NRXN2: variants seen among roughly 807,000 people sequenced by gnomAD.
NRXN2 encodes the protein neurexin-2-beta.
In NRXN2, 29 loss-of-function variants were observed where a neutral mutation model predicts 128.8. That is an observed-to-expected ratio of 0.23 (90% CI 0.17 to 0.31). The LOEUF is 0.31. Among genes scored for constraint, NRXN2 ranks in the 10% least tolerant of loss-of-function variants. The probability of loss-of-function intolerance (pLI) is 1.00; values close to 1 mark genes in which losing one functional copy is unlikely to be tolerated. For synonymous variants in NRXN2, 1,098 were observed against 1,075.2 expected, an observed-to-expected ratio of 1.02 and a Z score of -0.41; for missense variants, 1,881 against 2,452.6, an observed-to-expected ratio of 0.77 and a Z score of 4.92.
At chr11:64,653,773 A>G (rs975515793) in intron 11 of NRXN2, 51 bp from the exon 12 acceptor site, 10 of 1,405,964 alleles carry the variant, frequency 7.1e-6, no homozygotes, top group Non-Finnish European at 9.7e-6. Context: ...AAAAGGTAAA[A>G]CAAGTTTTTT....
intron 20 of NRXN2, among the ~76,000 whole-genome samples, chr11:64,625,617 C>G (rs1013795050): frequency 7.9e-5 from 12 of 152,130 alleles, no homozygotes; most frequent in Non-Finnish European, 1.5e-4. Flanking sequence ...CTACTTCCCC[C>G]CTAGAGTTTA....
chr11:64,671,462 AC>A (rs2050615565), intron 7 of NRXN2, among the ~76,000 whole-genome samples: 1 of 151,638 alleles, frequency 6.6e-6, no homozygotes, highest in South Asian at 2.1e-4. Flanking sequence ...GTCCCCCTCC[AC>A]CCCAGGGGTT....
At chr11:64,702,784 C>T (rs1275635767) in intron 2 of NRXN2, among the ~76,000 whole-genome samples, 4 of 131,522 alleles carry the variant, frequency 3.0e-5, no homozygotes, top group Non-Finnish European at 6.5e-5. Context: ...GAGAAACACC[C>T]AAGAATGATC....
chr11:64,651,126 G>T lies in NRXN2; in HGVS notation c.2918+129C>A, dbSNP rs907578083. ...AGAGGGAGCCTCTCGACTTACGGTC[G>T]GGGACCTGAATCTTGACTTGTGATC... On this transcript the variant is annotated intron_variant, in intron 14 of 22. Coordinates refer to ENST00000265459, the MANE Select transcript of NRXN2 (RefSeq NM_015080.4). The surrounding 1 kb of genome is among the most constrained non-coding windows in gnomAD (Gnocchi z 5.9). 9 of 1,294,032 alleles carry T rather than the reference G, an allele frequency of 7.0e-6. No individual in the cohort carries two copies. The African/African-American group carries it at 1.2e-4, about 17-fold the overall frequency. The allele number at this position is 1,294,032 out of a possible 1,614,324, so 80.2% of individuals were successfully genotyped here. A position where few individuals can be genotyped will look rare whatever the true frequency, so the allele number is the denominator to read the frequency against.
At chr11:64,647,640 G>A (rs1020973161) in intron 17 of NRXN2, among the ~76,000 whole-genome samples, 8 of 152,294 alleles carry the variant, frequency 5.3e-5, no homozygotes, top group East Asian at 3.9e-4. Context: ...AACTGCAGCC[G>A]GGATTATTGG....
intron 5 of NRXN2, 42 bp from the exon 6 acceptor site, chr11:64,685,989 G>A (rs531428965): frequency 6.2e-7 from 1 of 1,609,388 alleles, no homozygotes; most frequent in South Asian, 1.1e-5. Context: ...GGCTGAATGG[G>A]GCAGGGTACA....
chr11:64,650,557 C>T lies in NRXN2; in HGVS notation c.3000G>A (p.Gln1000=). 1 of 1,614,188 alleles carries T rather than the reference C, an allele frequency of 6.2e-7. No homozygotes were observed. The highest frequency in any genetic ancestry group is 8.5e-7 in the Non-Finnish European group (1 of 1,180,034). Residue 1000 remains glutamine (Q), a synonymous_variant, in exon 15 of 23, where the codon CAG becomes CAA. Transcript: ENST00000265459. ...CCCTGGACACCACCACGTTGTGCCACTGGTTGTCATTGACTGGTTTGTCTG... is the reference window on the plus strand; with the variant it reads ...CCCTGGACACCACCACGTTGTGCCATTGGTTGTCATTGACTGGTTTGTCTG... ...GNSDKPVNDN[Q]WHNVVVSRDP...
At chr11:64,689,931 C>G (rs1592136578) in intron 5 of NRXN2, among the ~76,000 whole-genome samples, 1 of 152,264 alleles carries the variant, frequency 6.6e-6, no homozygotes, top group East Asian at 1.9e-4. Context: ...AAGAGATTGT[C>G]TTAAGAAAGG....
rs560602013 is a variant in NRXN2, at chr11:64,679,664, G to A, written c.1153-2627C>T. Among the ~76,000 whole-genome samples, 15 of 152,204 alleles carry A rather than the reference G, an allele frequency of 9.9e-5. No individual in the cohort carries two copies. The East Asian group carries it at 2.7e-3, about 27-fold the overall frequency. On this transcript the variant is annotated intron_variant, in intron 6 of 22. Transcript: ENST00000265459. ...AAAAAAAAAGAATCAGGATTGAGAA[G>A]AAACAGATGTGAGTTCTAACCCTTG...
chr11:64,607,465 C>CCGG lies in NRXN2; in HGVS notation c.4867_4869dup (p.Pro1623dup). 1 of 1,608,054 alleles carries CCGG rather than the reference C, an allele frequency of 6.2e-7. No individual in the cohort carries two copies. Among genetic ancestry groups the CCGG allele is most frequent in the Non-Finnish European group, 8.5e-7 (1 of 1,178,830 alleles). ...GACTCCCGGATCACCTCCACTGCGC[C>CCGG]CGGCGGGCCCCGCTCCCCAGGCCCT... On this transcript the variant is annotated inframe_insertion, in exon 23 of 23. Coordinates refer to ENST00000265459, the MANE Select transcript of NRXN2 (RefSeq NM_015080.4).
At chr11:64,649,556 C>T (rs577728140) in intron 15 of NRXN2, among the ~76,000 whole-genome samples, 3 of 152,206 alleles carry the variant, frequency 2.0e-5, no homozygotes, top group Non-Finnish European at 4.4e-5. Flanking sequence ...AGATAACCCC[C>T]GGGGTTTGGG....
rs771814847 is a variant in NRXN2, at chr11:64,660,707, C to T, written c.2185+46G>A. 5.0e-6 allele frequency: 8 copies of T among 1,604,698 alleles called. No individual in the cohort carries two copies. The Admixed American group carries it at 1.0e-4, about 20-fold the overall frequency. On this transcript the variant is annotated intron_variant, in intron 10 of 22. Transcript: ENST00000265459. The surrounding 1 kb of genome is among the most constrained non-coding windows in gnomAD (Gnocchi z 5.2). ...TAGGAGTCACCCTGAGAAGGAGGAG[C>T]ACAGGGATAGGGAGCAGGGACACCT...
In NRXN2 at chr11:64,713,159, T is replaced by G. The variant is rs759583537; in HGVS notation, c.541A>C (p.Asn181His). The stretch of plus-strand genomic sequence containing the variant: ...GGGGGCCGCTCGCCCAGCTTCAGGT[T>G]GGCCAAGAGGCCGCGGAAGGGCGGC... The part of the protein sequence containing the change: ...YEPPFRGLLA[N>H]LKLGERPPAL... The change falls in exon 2 of 23, where the codon AAC (asparagine) becomes CAC (histidine). Residue 181 changes from asparagine (N) to histidine (H), a missense_variant. Around this residue, in one of 7 missense-constraint regions of NRXN2, gnomAD observed 997 missense variants for 1,240.8 expected, o/e 0.80. Coordinates refer to ENST00000265459, the MANE Select transcript of NRXN2 (RefSeq NM_015080.4). The G allele has an allele frequency of 1.4e-6, 2 of 1,454,586 alleles. No individual in the cohort carries two copies. Among genetic ancestry groups the G allele is most frequent in the Non-Finnish European group, 1.8e-6 (2 of 1,105,714 alleles). 90.1% of individuals were successfully genotyped at this position (1,454,586 alleles called of 1,614,324 possible).
At chr11:64,705,374 T>C (rs2056123696) in intron 2 of NRXN2, among the ~76,000 whole-genome samples, 1 of 152,124 alleles carries the variant, frequency 6.6e-6, no homozygotes, top group Non-Finnish European at 1.5e-5. Flanking sequence ...CATGTGGTGA[T>C]CATGAGGACT....
chr11:64,660,620 G>A lies in NRXN2; in HGVS notation c.2186-85C>T, dbSNP rs769206713. 1.3e-5 allele frequency: 21 copies of A among 1,589,114 alleles called. No homozygotes were observed. The highest frequency in any genetic ancestry group is 4.0e-5 in the African/African-American group (3 of 74,614). On this transcript the variant is annotated intron_variant, in intron 10 of 22. Transcript: ENST00000265459. The surrounding 1 kb of genome is among the most constrained non-coding windows in gnomAD (Gnocchi z 5.2). Reference sequence around the variant, plus strand: ...AAGACCAGAGAATCATTACAAGGGCGAAAAGCCTAGGGCAGGTCTATGAGG... The same window carrying A: ...AAGACCAGAGAATCATTACAAGGGCAAAAAGCCTAGGGCAGGTCTATGAGG...
chr11:64,677,522 C>A (rs980963352), intron 6 of NRXN2, among the ~76,000 whole-genome samples: 2 of 152,196 alleles, frequency 1.3e-5, no homozygotes, highest in Non-Finnish European at 2.9e-5. Flanking sequence ...TCATACCTTG[C>A]CCCACCTGTC....
intron 11 of NRXN2, among the ~76,000 whole-genome samples, chr11:64,658,348 C>T (rs534320358): frequency 1.3e-5 from 2 of 152,318 alleles, no homozygotes; most frequent in East Asian, 3.9e-4. Context: ...TGGGGCTATC[C>T]TCTTGTGACA....
rs753120403 is a variant in NRXN2 at position 64,668,430 on chromosome 11, T to A, written c.1359+13A>T. ...TCCTGAACAGCCTGCAGCCCCTCCC[T>A]AGCCCTACTCACGTCCTTGAGGCAG... On this transcript the variant is annotated intron_variant, in intron 8 of 22. Transcript: ENST00000265459. The A allele has an allele frequency of 6.2e-7, 1 of 1,613,220 alleles. No individual in the cohort carries two copies. The highest frequency in any genetic ancestry group is 1.1e-5 in the South Asian group (1 of 91,052).
At chr11:64,690,361 C>A (rs1226075226) in intron 5 of NRXN2, 44 bp downstream of exon 5, 1 of 1,566,330 alleles carries the variant, frequency 6.4e-7, no homozygotes, top group East Asian at 2.3e-5. Context: ...TAGCCTGCAG[C>A]AGGATGAGGG....
Sources: gnomAD v4.1 joint callset for allele counts (sites outside exome capture counted in the v4.1 genomes callset) on GRCh38, gnomAD v4.1.1 for gene constraint, gnomAD v4.1.1 regional missense constraint, Gnocchi (gnomAD v3.1) non-coding constraint, MANE v1.5 for transcripts, NCBI Gene and HGNC (gene_info 2026-07-23, HGNC 2026-07-21) for gene names.